PPP1R9A: variants seen among roughly 807,000 people sequenced by gnomAD.
PPP1R9A encodes protein phosphatase 1 regulatory subunit 9A, also known as neurabin-1.
PPP1R9A carries 59 observed loss-of-function variants against 141.9 expected under a neutral mutation model. The observed-to-expected ratio is 0.42, with a 90% CI of 0.34 to 0.52. PPP1R9A has a LOEUF of 0.52. Among genes scored for constraint, PPP1R9A ranks in the 20% least tolerant of loss-of-function variants. The pLI is 0.10. For synonymous variants in PPP1R9A, 500 were observed against 569.7 expected (o/e 0.88, Z 1.74); for missense variants, 1,444 against 1,611.9 (o/e 0.90, Z 1.78).
At chr7:95,248,810 C>T (rs569826226) in intron 9 of PPP1R9A, among the ~76,000 whole-genome samples, 26 of 152,060 alleles carry the variant, frequency 1.7e-4, no homozygotes, top group African/African-American at 5.8e-4. Context: ...TAATAGAATT[C>T]CTAATCTTGA....
chr7:95,055,929 T>C (rs955766252), intron 2 of PPP1R9A, among the ~76,000 whole-genome samples: 2 of 152,268 alleles, frequency 1.3e-5, no homozygotes, highest in South Asian at 2.1e-4. Context: ...AACATACTAA[T>C]AAGCATTGCT....
At chr7:95,106,921 C>T (rs555673727) in intron 2 of PPP1R9A, among the ~76,000 whole-genome samples, 23 of 151,924 alleles carry the variant, frequency 1.5e-4, no homozygotes, top group African/African-American at 4.6e-4. Flanking sequence ...CACAGCCTCC[C>T]GAGGTGCACG....
chr7:94,984,160 C>T (rs1318076386), intron 2 of PPP1R9A, among the ~76,000 whole-genome samples: 1 of 152,272 alleles, frequency 6.6e-6, no homozygotes, highest in East Asian at 1.9e-4. Context: ...TTGAACCAGC[C>T]TTGCATCCCA....
chr7:95,164,425 T>G (rs1231470490), intron 5 of PPP1R9A, among the ~76,000 whole-genome samples: 1 of 152,202 alleles, frequency 6.6e-6, no homozygotes, highest in African/African-American at 2.4e-5. Context: ...CTCTTATAAT[T>G]GGGCTTTTGT....
rs373943718 is a variant in PPP1R9A at position 95,149,746 on chromosome 7, C to T, written c.1650-12121C>T. On this transcript the variant is annotated intron_variant, in intron 4 of 19. Coordinates refer to ENST00000433360, the MANE Select transcript of PPP1R9A (RefSeq NM_001166160.2). Reference sequence around the variant, plus strand: ...AATAATTAATAAATGGTAAGATATTCTACATTCATGGATAAGAAGATGTCA... The same window carrying T: ...AATAATTAATAAATGGTAAGATATTTTACATTCATGGATAAGAAGATGTCA... Among the ~76,000 whole-genome samples the T allele has an allele frequency of 7.5e-4, 112 of 150,268 alleles. 4 individuals are homozygous for T. Among genetic ancestry groups the T allele is most frequent in the African/African-American group, 2.5e-3 (103 of 41,388 alleles).
rs138245717 is a variant in PPP1R9A at position 95,144,000 on chromosome 7, T to G, written c.1650-17867T>G. 4.1e-4 allele frequency among the ~76,000 whole-genome samples: 63 copies of G among 152,286 alleles called. 1 individual carries two copies. In the East Asian group the frequency reaches 9.6e-3, roughly 23 times the overall value. ...CAGCTCACATAGTTAATTTCGTGTG[T>G]GATGAGAACATTTAAGGTCTACTCT... On this transcript the variant is annotated intron_variant, in intron 4 of 19. Coordinates refer to ENST00000433360, the MANE Select transcript of PPP1R9A (RefSeq NM_001166160.2).
chr7:95,271,223 A>G (rs961239472), intron 14 of PPP1R9A, among the ~76,000 whole-genome samples: 1 of 152,178 alleles, frequency 6.6e-6, no homozygotes, highest in Non-Finnish European at 1.5e-5. Context: ...TAGAAGTTAA[A>G]CATCTTAGAT....
At chr7:95,118,258 T>A (rs1222704047) in intron 3 of PPP1R9A, among the ~76,000 whole-genome samples, 2 of 152,152 alleles carry the variant, frequency 1.3e-5, no homozygotes, top group Admixed American at 6.5e-5. Context: ...ATGTAGAAAA[T>A]CTTTAACAAG....
intron 2 of PPP1R9A, among the ~76,000 whole-genome samples, chr7:95,013,647 T>C (rs1206168868): frequency 6.6e-6 from 1 of 152,182 alleles, no homozygotes; most frequent in Admixed American, 6.6e-5. Context: ...TAGTAACATA[T>C]ACTTTTTTCG....
intron 2 of PPP1R9A, among the ~76,000 whole-genome samples, chr7:94,968,408 G>A (rs1475459887): frequency 6.6e-6 from 1 of 152,110 alleles, no homozygotes; most frequent in Non-Finnish European, 1.5e-5. Context: ...TCCTGACCTC[G>A]TGATCCACCC....
chr7:95,060,147 C>T (rs371881563), intron 2 of PPP1R9A, among the ~76,000 whole-genome samples: 1 of 152,168 alleles, frequency 6.6e-6, no homozygotes, highest in Non-Finnish European at 1.5e-5. Context: ...ACCATAGTGC[C>T]TTCACTCTAA....
At chr7:95,073,220 A>G (rs1033979875) in intron 2 of PPP1R9A, among the ~76,000 whole-genome samples, 1 of 151,720 alleles carries the variant, frequency 6.6e-6, no homozygotes, top group Non-Finnish European at 1.5e-5. Flanking sequence ...TCCTGACCGC[A>G]GGTGATCCAC....
At chr7:95,092,111 A>G (rs1328936047) in intron 2 of PPP1R9A, among the ~76,000 whole-genome samples, 2 of 152,120 alleles carry the variant, frequency 1.3e-5, no homozygotes, top group Non-Finnish European at 2.9e-5. Flanking sequence ...GCATTTTTGA[A>G]CAGAATTGAA....
chr7:94,912,076 T>C lies in PPP1R9A; in HGVS notation c.1395+568T>C, dbSNP rs148692661. ...ATTTAATTTATGGAAATATATTAGC[T>C]GACTTAAATACTTTGAAAAGCTTTG... On this transcript the variant is annotated intron_variant, in intron 2 of 19. Coordinates refer to ENST00000433360, the MANE Select transcript of PPP1R9A (RefSeq NM_001166160.2). 3.9e-3 allele frequency among the ~76,000 whole-genome samples: 599 copies of C among 152,368 alleles called. 1 individual carries two copies. Among genetic ancestry groups the C allele is most frequent in the Middle Eastern group, 6.8e-3 (2 of 294 alleles).
At chr7:94,930,040 G>C (rs1793959564) in intron 2 of PPP1R9A, among the ~76,000 whole-genome samples, 1 of 152,202 alleles carries the variant, frequency 6.6e-6, no homozygotes, top group Non-Finnish European at 1.5e-5. Flanking sequence ...GAATTAACTA[G>C]ACATAAACAG....
In PPP1R9A at chr7:95,288,621, G is replaced by C. The variant is rs763061960; in HGVS notation, c.3815G>C (p.Trp1272Ser). The C allele has an allele frequency of 6.2e-7, 1 of 1,614,050 alleles. No homozygotes were observed. The highest frequency in any genetic ancestry group is 1.1e-5 in the South Asian group (1 of 91,068). The change falls in exon 19 of 20, where the codon TGG (tryptophan) becomes TCG (serine). Residue 1272 changes from tryptophan (W) to serine (S), a missense_variant. Coordinates refer to ENST00000433360, the MANE Select transcript of PPP1R9A (RefSeq NM_001166160.2). ...QEWSVQQVSHWLMSLNLEQYV... is the reference protein window; with the variant it reads ...QEWSVQQVSHSLMSLNLEQYV... ...TGGAGTGTGCAGCAGGTTTCTCACT[G>C]GTTAATGAGCCTAAATCTGGAGCAG...
chr7:95,046,095 T>C (rs79655444), intron 2 of PPP1R9A, among the ~76,000 whole-genome samples: 1 of 151,150 alleles, frequency 6.6e-6, no homozygotes, highest in Admixed American at 6.6e-5. Context: ...TTTTTTTTTT[T>C]TGAGACAGAG....
intron 2 of PPP1R9A, among the ~76,000 whole-genome samples, chr7:95,082,219 C>T (rs531537208): frequency 1.3e-5 from 2 of 152,162 alleles, no homozygotes; most frequent in East Asian, 3.9e-4. Context: ...TAGGGCTAAC[C>T]AAAAAACTTA....
At chr7:95,205,645 T>C (rs1790625993) in intron 7 of PPP1R9A, among the ~76,000 whole-genome samples, 1 of 152,224 alleles carries the variant, frequency 6.6e-6, no homozygotes, top group South Asian at 2.1e-4. Context: ...ATACCTTTTA[T>C]GGTGTCTAGT....
Sources: allele counts gnomAD v4.1 joint callset (sites outside exome capture counted in the v4.1 genomes callset), GRCh38; gene constraint gnomAD v4.1.1; transcripts MANE v1.5; gene names NCBI Gene and HGNC (gene_info 2026-07-23, HGNC 2026-07-21).